The following FRMD4A variants were observed in gnomAD, a reference collection of about 807,000 sequenced individuals.
FRMD4A encodes the protein FERM domain-containing protein 4A.
A neutral mutation model predicts 129.1 loss-of-function variants in FRMD4A; 29 were observed. The observed-to-expected ratio is 0.22, with a 90% CI of 0.17 to 0.31. The LOEUF is 0.31. Among genes scored for constraint, FRMD4A ranks in the 10% least tolerant of loss-of-function variants. The pLI, the probability that FRMD4A is intolerant of heterozygous loss-of-function variation, is 1.00. For synonymous variants in FRMD4A, 634 were observed against 571.6 expected (o/e 1.11, Z -1.56); for missense variants, 1,272 against 1,375.8 (o/e 0.92, Z 1.19).
At chr10:13,675,084 G>T in intron 15 of FRMD4A, 40 bp from the exon 16 acceptor site, 2 of 1,586,768 alleles carry the variant, frequency 1.3e-6, no homozygotes, top group Non-Finnish European at 1.7e-6. Flanking sequence ...AGCTGACAGG[G>T]GACACACATC....
chr10:13,843,051 G>C (rs558238872), intron 3 of FRMD4A, among the ~76,000 whole-genome samples: 1 of 152,320 alleles, frequency 6.6e-6, no homozygotes, highest in South Asian at 2.1e-4. Flanking sequence ...GCATCACGCT[G>C]CCTCTACCTG....
intron 2 of FRMD4A, among the ~76,000 whole-genome samples, chr10:14,211,381 G>A (rs1409881120): frequency 6.6e-6 from 1 of 152,178 alleles, no homozygotes; most frequent in Non-Finnish European, 1.5e-5. Context: ...TGGGTTTGAA[G>A]TCACGTGGGT....
At chr10:13,726,372 ATCTC>A (rs1462618028) in intron 12 of FRMD4A, among the ~76,000 whole-genome samples, 2 of 152,214 alleles carry the variant, frequency 1.3e-5, no homozygotes, top group Non-Finnish European at 2.9e-5. Context: ...TTTACAAAAC[ATCTC>A]TCTCTTTTTG....
chr10:13,673,623 A>G (rs1173073843), intron 16 of FRMD4A, among the ~76,000 whole-genome samples: 1 of 152,120 alleles, frequency 6.6e-6, no homozygotes, highest in Non-Finnish European at 1.5e-5. Flanking sequence ...TGTGTATTGC[A>G]TTAAAACATG....
chr10:13,730,211 T>TA (rs2090226235), intron 12 of FRMD4A, among the ~76,000 whole-genome samples: 1 of 152,148 alleles, frequency 6.6e-6, no homozygotes, highest in Non-Finnish European at 1.5e-5. Context: ...CAAAGGAACG[T>TA]AAGGACCCCT....
chr10:14,226,278 TA>T (rs1388759846), intron 2 of FRMD4A, among the ~76,000 whole-genome samples: 1 of 152,162 alleles, frequency 6.6e-6, no homozygotes, highest in Non-Finnish European at 1.5e-5. Flanking sequence ...GACTCCTCAG[TA>T]ACTCCATGCC....
At chr10:13,960,667 G>A (rs191414624) in intron 2 of FRMD4A, among the ~76,000 whole-genome samples, 10 of 152,284 alleles carry the variant, frequency 6.6e-5, no homozygotes, top group Admixed American at 5.9e-4. Flanking sequence ...TGCTCCTAAC[G>A]CCATGCTAAG....
intron 2 of FRMD4A, among the ~76,000 whole-genome samples, chr10:13,912,520 ATTTTTTTTTTTTTTT>A (rs57865883): frequency 1.6e-5 from 2 of 126,214 alleles, no homozygotes; most frequent in East Asian, 4.8e-4. Context: ...ACATAATAGA[ATTTTTTTTTTTTTTT>A]TTTTTTTTTT....
intron 2 of FRMD4A, among the ~76,000 whole-genome samples, chr10:14,318,761 A>G (rs544815828): frequency 8.5e-5 from 13 of 152,386 alleles, no homozygotes; most frequent in Admixed American, 8.5e-4. Context: ...CAAGTTACAT[A>G]GAATGAACAT....
In FRMD4A at chr10:13,645,745, A is replaced by C. The variant is rs2081081068; in HGVS notation, c.*1293T>G. 6.6e-6 allele frequency: 1 copy of C among 152,604 alleles called. No homozygotes were observed. The highest frequency in any genetic ancestry group is 6.5e-5 in the Admixed American group (1 of 15,286). 9.5% of individuals were successfully genotyped at this position (152,604 alleles called of 1,614,324 possible). On this transcript the variant is annotated 3_prime_UTR_variant, in exon 25 of 25. Transcript: ENST00000357447. ...AAGGGCATAGTTGGGTTCTTGGAAT[A>C]AGTGACACATAGGAGAAGTCGGATC...
chr10:14,325,469 GCT>G (rs1471165389), intron 2 of FRMD4A, among the ~76,000 whole-genome samples: 2 of 152,168 alleles, frequency 1.3e-5, no homozygotes, highest in Non-Finnish European at 1.5e-5. Flanking sequence ...CCTCAAATCT[GCT>G]CTCTTAACTC....
At chr10:13,674,521 C>G (rs915349131) in intron 16 of FRMD4A, among the ~76,000 whole-genome samples, 2 of 152,160 alleles carry the variant, frequency 1.3e-5, no homozygotes, top group Non-Finnish European at 1.5e-5. Context: ...GAAAACAAAA[C>G]AAGGCTTTCC....
At chr10:13,868,042 C>T (rs2131073866) in intron 2 of FRMD4A, among the ~76,000 whole-genome samples, 1 of 149,368 alleles carries the variant, frequency 6.7e-6, no homozygotes, top group Middle Eastern at 3.5e-3. Flanking sequence ...TTGCTTGAGC[C>T]CAGGAGTTCG....
intron 2 of FRMD4A, among the ~76,000 whole-genome samples, chr10:13,953,409 C>A (rs1314463018): frequency 6.6e-6 from 1 of 152,170 alleles, no homozygotes; most frequent in Non-Finnish European, 1.5e-5. Context: ...AACCATGGGT[C>A]AACCGAAGTC....
chr10:13,761,092 A>C (rs2092055142), intron 8 of FRMD4A, among the ~76,000 whole-genome samples: 1 of 152,218 alleles, frequency 6.6e-6, no homozygotes, highest in Non-Finnish European at 1.5e-5. Flanking sequence ...TTACAGGGTT[A>C]TTAACAACAT....
chr10:14,156,247 A>G (rs1435302488), intron 2 of FRMD4A, among the ~76,000 whole-genome samples: 5 of 152,132 alleles, frequency 3.3e-5, no homozygotes, highest in Admixed American at 1.3e-4. Context: ...TGATGAGTGA[A>G]TTACAACAAT....
At chr10:13,990,320 G>T (rs530839793) in intron 2 of FRMD4A, among the ~76,000 whole-genome samples, 2 of 152,294 alleles carry the variant, frequency 1.3e-5, no homozygotes, top group African/African-American at 4.8e-5. Flanking sequence ...TTTTCTTGGA[G>T]AGTGAGACCC....
chr10:13,747,946 G>A (rs75226622), intron 8 of FRMD4A, 127 bp from the exon 9 acceptor site: 14,380 of 671,392 alleles, frequency 0.021, 666 homozygotes, highest in South Asian at 0.11. Context: ...AAAAGCAGTG[G>A]GGGGAAGGGG....
intron 4 of FRMD4A, among the ~76,000 whole-genome samples, chr10:13,801,333 C>T (rs1588799963): frequency 6.6e-6 from 1 of 152,176 alleles, no homozygotes; most frequent in Admixed American, 6.5e-5. Flanking sequence ...CTATATGATC[C>T]TACATGGAAT....
Sources: gnomAD v4.1 joint callset for allele counts (sites outside exome capture counted in the v4.1 genomes callset) on GRCh38, gnomAD v4.1.1 for gene constraint, MANE v1.5 for transcripts, NCBI Gene and HGNC (gene_info 2026-07-23, HGNC 2026-07-21) for gene names.